Variants in CNTN5 observed in about 807,000 individuals in gnomAD.
CNTN5 encodes contactin-5.
Under a neutral mutation model 129.1 loss-of-function variants are expected in CNTN5, and 77 were observed. That is an observed-to-expected ratio of 0.60 (90% CI 0.50 to 0.72). The LOEUF is 0.72. CNTN5 is among the 30% of genes least tolerant of loss of function. The probability of loss-of-function intolerance (pLI) is 0.00; values close to 1 mark genes in which losing one functional copy is unlikely to be tolerated. For missense variants in CNTN5, 1,478 were observed against 1,328.8 expected (o/e 1.11, Z -1.75); for synonymous variants, 509 against 465.6 (o/e 1.09, Z -1.20).
intron 18 of CNTN5, among the ~76,000 whole-genome samples, chr11:100,291,751 TAATAAATAAATAAATA>T (rs201648211): frequency 1.0e-3 from 125 of 123,708 alleles, no homozygotes; most frequent in Admixed American, 7.4e-3. Context: ...TAAAGTATAA[TAATAAATAAATAAATA>T]AATAAATAAA....
chr11:99,298,925 C>G (rs2406916), intron 1 of CNTN5, among the ~76,000 whole-genome samples: 48,395 of 151,900 alleles, frequency 0.32, 7,812 homozygotes, highest in Middle Eastern at 0.41. Context: ...AAAACATTTT[C>G]AGCCTGTGAA....
At position 99,727,327 on chromosome 11, in the gene CNTN5, A is replaced by C. The variant is rs1022729408; in HGVS notation, c.56-92217A>C. On this transcript the variant is annotated intron_variant, in intron 3 of 24. Transcript: ENST00000524871. Reference sequence around the variant, plus strand: ...GACTCCGTCTCAAAAAAAAAAAAAAAAAAAAAATTCCAGGGCATTGTGCTG... The same window carrying C: ...GACTCCGTCTCAAAAAAAAAAAAAACAAAAAAATTCCAGGGCATTGTGCTG... Among the ~76,000 whole-genome samples, 153 of 140,118 alleles carry C rather than the reference A, an allele frequency of 1.1e-3. 6 individuals are homozygous for C. The highest frequency in any genetic ancestry group is 2.2e-3 in the Non-Finnish European group (143 of 64,746). 91.9% of individuals were successfully genotyped at this position (140,118 alleles called of 152,430 possible).
At chr11:100,255,990 G>T (rs1450783432) in intron 17 of CNTN5, 72 bp downstream of exon 17, 4 of 1,313,224 alleles carry the variant, frequency 3.0e-6, no homozygotes, top group African/African-American at 1.5e-5. Context: ...TTTGGCTAAG[G>T]TCTTACTATG....
chr11:99,737,427 A>C (rs1008481266), intron 3 of CNTN5, among the ~76,000 whole-genome samples: 1 of 152,188 alleles, frequency 6.6e-6, no homozygotes, highest in Non-Finnish European at 1.5e-5. Flanking sequence ...TGACCAGTGA[A>C]TTAAGAAGAT....
intron 1 of CNTN5, among the ~76,000 whole-genome samples, chr11:99,262,013 G>T (rs1862650378): frequency 6.6e-6 from 1 of 151,944 alleles, no homozygotes; most frequent in Admixed American, 6.6e-5. Context: ...TGAAATTAAG[G>T]TTTATTTCTA....
chr11:99,848,596 A>G (rs1168328085), intron 6 of CNTN5, among the ~76,000 whole-genome samples: 1 of 152,192 alleles, frequency 6.6e-6, no homozygotes, highest in Non-Finnish European at 1.5e-5. Flanking sequence ...TAAATCGTCA[A>G]AATGATTGCA....
rs1473862262 is a variant in CNTN5 at position 99,412,146 on chromosome 11, G to T, written c.-71+86662G>T. Among the ~76,000 whole-genome samples, 3 of 151,986 alleles carry T rather than the reference G, an allele frequency of 2.0e-5. No individual in the cohort carries two copies. In the East Asian group the frequency reaches 5.8e-4, roughly 29 times the overall value. ...TTCCTTGTATGATTTTTATATAGAA[G>T]AAATATATTATTTGAACTTTCTTAA... On this transcript the variant is annotated intron_variant, in intron 2 of 24. Transcript: ENST00000524871.
intron 2 of CNTN5, among the ~76,000 whole-genome samples, chr11:99,498,714 A>C (rs994293644): frequency 6.6e-6 from 1 of 152,178 alleles, no homozygotes; most frequent in African/African-American, 2.4e-5. Flanking sequence ...GAATGAATAC[A>C]TAAGCTATTA....
chr11:99,787,660 A>G (rs1200209187), intron 3 of CNTN5, among the ~76,000 whole-genome samples: 1 of 152,084 alleles, frequency 6.6e-6, no homozygotes, highest in South Asian at 2.1e-4. Flanking sequence ...CAATTATTTC[A>G]AAGAAGAAAA....
chr11:99,662,308 C>A (rs952765323), intron 3 of CNTN5, among the ~76,000 whole-genome samples: 1 of 152,030 alleles, frequency 6.6e-6, no homozygotes, highest in Admixed American at 6.6e-5. Flanking sequence ...TTGGTATATC[C>A]CATATGCTAC....
intron 1 of CNTN5, among the ~76,000 whole-genome samples, chr11:99,295,069 C>T (rs1387404962): frequency 6.6e-6 from 1 of 152,112 alleles, no homozygotes; most frequent in East Asian, 1.9e-4. Context: ...TGAAGAGAGA[C>T]CATTTGACTT....
chr11:99,412,210 T>C (rs1259741727), intron 2 of CNTN5, among the ~76,000 whole-genome samples: 3 of 152,204 alleles, frequency 2.0e-5, no homozygotes, highest in African/African-American at 7.2e-5. Context: ...TATAGAATAT[T>C]GTAGTATAAT....
At chr11:99,190,663 T>C (rs921223465) in intron 1 of CNTN5, among the ~76,000 whole-genome samples, 4 of 151,660 alleles carry the variant, frequency 2.6e-5, no homozygotes, top group Non-Finnish European at 5.9e-5. Context: ...TAAATGGGAT[T>C]GTTTTCTTGA....
At chr11:99,677,529 G>T (rs1400570879) in intron 3 of CNTN5, among the ~76,000 whole-genome samples, 1 of 152,138 alleles carries the variant, frequency 6.6e-6, no homozygotes, top group Non-Finnish European at 1.5e-5. Context: ...GCAACATGCA[G>T]TCTCATGCTG....
At chr11:99,849,387 A>G (rs1322733261) in intron 6 of CNTN5, among the ~76,000 whole-genome samples, 4 of 151,952 alleles carry the variant, frequency 2.6e-5, no homozygotes, top group Admixed American at 2.6e-4. Context: ...ACACATATGC[A>G]TAATTAGTAT....
intron 1 of CNTN5, among the ~76,000 whole-genome samples, chr11:99,180,516 A>G (rs898302614): frequency 6.6e-6 from 1 of 152,252 alleles, no homozygotes; most frequent in South Asian, 2.1e-4. Flanking sequence ...GTGATTGTCT[A>G]TTGTTTTCCG....
chr11:99,387,621 C>G (rs990150342), intron 2 of CNTN5, among the ~76,000 whole-genome samples: 3 of 151,880 alleles, frequency 2.0e-5, no homozygotes, highest in African/African-American at 7.2e-5. Context: ...GTAGAAATAC[C>G]CTTTCCCTAA....
At chr11:100,251,383 T>C (rs771740461) in intron 16 of CNTN5, among the ~76,000 whole-genome samples, 4 of 152,146 alleles carry the variant, frequency 2.6e-5, no homozygotes, top group Non-Finnish European at 4.4e-5. Flanking sequence ...ATCAAGGTAA[T>C]TAGCATATTC....
At chr11:99,814,346 A>G (rs1377355847) in intron 3 of CNTN5, among the ~76,000 whole-genome samples, 1 of 152,140 alleles carries the variant, frequency 6.6e-6, no homozygotes, top group Non-Finnish European at 1.5e-5. Flanking sequence ...CACCATCAAG[A>G]AGGTCAGAAA....
Sources: allele counts gnomAD v4.1 joint callset (sites outside exome capture counted in the v4.1 genomes callset), GRCh38; gene constraint gnomAD v4.1.1; transcripts MANE v1.5; gene names NCBI Gene and HGNC (gene_info 2026-07-23, HGNC 2026-07-21).